Variants in VAPB observed in about 807,000 individuals in gnomAD.
The protein encoded by VAPB is vesicle-associated membrane protein-associated protein B/C.
A neutral mutation model predicts 25.6 loss-of-function variants in VAPB; 7 were observed. That is an observed-to-expected ratio of 0.27 (90% CI 0.16 to 0.51). The LOEUF is 0.51. Ranked by LOEUF, VAPB falls within the 20% of genes least tolerant of loss-of-function variation. The probability of loss-of-function intolerance (pLI) is 0.97; values close to 1 mark genes in which losing one functional copy is unlikely to be tolerated. For synonymous variants in VAPB, 112 were observed against 109.2 expected (o/e 1.03, Z -0.16); for missense variants, 266 against 301.3 (o/e 0.88, Z 0.87).
In VAPB at chr20:58,449,387, A is replaced by G. The variant is rs749282821; in HGVS notation, c.*5152A>G. The G allele has an allele frequency of 2.2e-6, 1 of 453,732 alleles. No individual in the cohort carries two copies. The highest frequency in any genetic ancestry group is 4.4e-6 in the Non-Finnish European group (1 of 226,738). 28.1% of individuals were successfully genotyped at this position (453,732 alleles called of 1,614,324 possible). A position where few individuals can be genotyped will look rare whatever the true frequency, so the allele number is the denominator to read the frequency against. On this transcript the variant is annotated 3_prime_UTR_variant, in exon 6 of 6. Transcript: ENST00000475243. ...ATAAACAGTTATGGATGATAGTTAA[A>G]AGAGAAACGGGTGGAGGTGGATGAG...
At chr20:58,408,915 A>T (rs1288823280) in intron 1 of VAPB, among the ~76,000 whole-genome samples, 2 of 55,786 alleles carry the variant, frequency 3.6e-5, no homozygotes, top group African/African-American at 6.7e-5. Context: ...CCCGCCCCCC[A>T]CTCCATGTGG....
intron 1 of VAPB, among the ~76,000 whole-genome samples, chr20:58,412,849 AGC>A (rs938203815): frequency 6.6e-6 from 1 of 152,170 alleles, no homozygotes; most frequent in Non-Finnish European, 1.5e-5. Flanking sequence ...ATTACAGAAA[AGC>A]ATTTAAATCA....
intron 1 of VAPB, among the ~76,000 whole-genome samples, chr20:58,395,112 A>G (rs892816057): frequency 1.3e-5 from 2 of 151,900 alleles, no homozygotes; most frequent in Non-Finnish European, 2.9e-5. Flanking sequence ...TTTAGAACCG[A>G]AACTTGAATT....
At chr20:58,416,392 T>A (rs997084097) in intron 1 of VAPB, among the ~76,000 whole-genome samples, 1 of 70,534 alleles carries the variant, frequency 1.4e-5, no homozygotes, top group Non-Finnish European at 3.2e-5. Flanking sequence ...ATACTTAAAT[T>A]TGGGATCCTC....
chr20:58,434,100 CT>C (rs1218052733), intron 2 of VAPB, among the ~76,000 whole-genome samples: 1 of 152,152 alleles, frequency 6.6e-6, no homozygotes, highest in African/African-American at 2.4e-5. Flanking sequence ...TAAAAATTTT[CT>C]AGCTTTATGT....
intron 1 of VAPB, among the ~76,000 whole-genome samples, chr20:58,406,063 A>G (rs1988223909): frequency 1.3e-5 from 2 of 152,068 alleles, no homozygotes; most frequent in Non-Finnish European, 2.9e-5. Context: ...GATGAGAAGC[A>G]TTGAGTTTGA....
In VAPB at chr20:58,447,381, A is replaced by G. The variant is rs1457196047; in HGVS notation, c.*3146A>G. On this transcript the variant is annotated 3_prime_UTR_variant, in exon 6 of 6. Coordinates refer to ENST00000475243, the MANE Select transcript of VAPB (RefSeq NM_004738.5). ...CTTCTGAACTGCTGGCACCAGCAGT[A>G]ATACATACTGATAAAATCAAAATTG... 1 of 454,008 alleles carries G rather than the reference A, an allele frequency of 2.2e-6. No individual in the cohort carries two copies. The highest frequency in any genetic ancestry group is 4.4e-6 in the Non-Finnish European group (1 of 226,790). The allele number at this position is 454,008 out of a possible 1,614,324, so 28.1% of individuals were successfully genotyped here.
At position 58,407,966 on chromosome 20, in the gene VAPB, A is replaced by G. The variant is rs145332029; in HGVS notation, c.59-10245A>G. On this transcript the variant is annotated intron_variant, in intron 1 of 5. Coordinates refer to ENST00000475243, the MANE Select transcript of VAPB (RefSeq NM_004738.5). ...CCTTACTAACTTTGTATTTTTTTTCAGGTAGCTTTCCTGAGTTTGATCTTA... is the reference window on the plus strand; with the variant it reads ...CCTTACTAACTTTGTATTTTTTTTCGGGTAGCTTTCCTGAGTTTGATCTTA... 1.5e-3 allele frequency among the ~76,000 whole-genome samples: 228 copies of G among 152,074 alleles called. 1 individual carries two copies. The highest frequency in any genetic ancestry group is 5.1e-3 in the African/African-American group (211 of 41,498).
In VAPB at chr20:58,448,777, A is replaced by G. The variant is rs1989360830; in HGVS notation, c.*4542A>G. 2.2e-6 allele frequency: 1 copy of G among 454,138 alleles called. No homozygotes were observed. Among genetic ancestry groups the G allele is most frequent in the Non-Finnish European group, 4.4e-6 (1 of 226,798 alleles). 28.1% of individuals were successfully genotyped at this position (454,138 alleles called of 1,614,324 possible). On this transcript the variant is annotated 3_prime_UTR_variant, in exon 6 of 6. Coordinates refer to ENST00000475243, the MANE Select transcript of VAPB (RefSeq NM_004738.5). Reference sequence around the variant, plus strand: ...CTGTTGGAAACTGAACACACTACAGACAGTGAAAAAAGGTACATATTCCAT... The same window carrying G: ...CTGTTGGAAACTGAACACACTACAGGCAGTGAAAAAAGGTACATATTCCAT...
intron 1 of VAPB, 35 bp downstream of exon 1, chr20:58,389,552 G>T: frequency 1.3e-6 from 2 of 1,550,464 alleles, no homozygotes; most frequent in Non-Finnish European, 1.7e-6. Context: ...CCTGCCCGCG[G>T]CCTCCGCCCC....
intron 2 of VAPB, among the ~76,000 whole-genome samples, chr20:58,419,774 C>A (rs1988629960): frequency 6.6e-6 from 1 of 152,156 alleles, no homozygotes; most frequent in Non-Finnish European, 1.5e-5. Context: ...TTTTGTTCCC[C>A]TCTTCTATCT....
chr20:58,410,370 CCTT>C (rs1489461900), intron 1 of VAPB, among the ~76,000 whole-genome samples: 1 of 152,130 alleles, frequency 6.6e-6, no homozygotes, highest in African/African-American at 2.4e-5. Flanking sequence ...GCTCTATGCT[CCTT>C]GTGTTCTTTC....
intron 1 of VAPB, among the ~76,000 whole-genome samples, chr20:58,410,720 G>C (rs899602354): frequency 1.3e-5 from 2 of 152,052 alleles, no homozygotes; most frequent in African/African-American, 4.8e-5. Flanking sequence ...CACCATGCCT[G>C]GCCAACACCT....
At chr20:58,407,948 A>G (rs1050350772) in intron 1 of VAPB, among the ~76,000 whole-genome samples, 1 of 152,152 alleles carries the variant, frequency 6.6e-6, no homozygotes, top group African/African-American at 2.4e-5. Flanking sequence ...GTTCCTTACT[A>G]ACTTTGTATT....
At chr20:58,418,410 T>C (rs932276221) in intron 2 of VAPB, 47 bp downstream of exon 2, 2 of 1,600,392 alleles carry the variant, frequency 1.2e-6, no homozygotes, top group Non-Finnish European at 8.5e-7. Context: ...AGAAGGCCCC[T>C]GGACAGTAGG....
chr20:58,404,845 C>G (rs1208173026), intron 1 of VAPB, among the ~76,000 whole-genome samples: 14 of 151,902 alleles, frequency 9.2e-5, no homozygotes, highest in Non-Finnish European at 8.8e-5. Flanking sequence ...CTGCAGTGCC[C>G]TGTTTCTCTC....
chr20:58,403,768 A>G (rs964143821), intron 1 of VAPB, among the ~76,000 whole-genome samples: 1 of 152,206 alleles, frequency 6.6e-6, no homozygotes, highest in Non-Finnish European at 1.5e-5. Context: ...AGCCTGCTGG[A>G]CATCCCTGTC....
chr20:58,430,926 T>C (rs1345509698), intron 2 of VAPB: 4 of 152,272 alleles, frequency 2.6e-5, no homozygotes, highest in African/African-American at 9.6e-5. Context: ...GATGCTCATA[T>C]CTGCTTCTGC....
chr20:58,413,712 G>T (rs1273443571), intron 1 of VAPB, among the ~76,000 whole-genome samples: 1 of 151,854 alleles, frequency 6.6e-6, no homozygotes, highest in Non-Finnish European at 1.5e-5. Flanking sequence ...TCACTTCCCA[G>T]TAGGGGCGGC....
Sources: allele counts gnomAD v4.1 joint callset (sites outside exome capture counted in the v4.1 genomes callset), GRCh38; gene constraint gnomAD v4.1.1; transcripts MANE v1.5; gene names NCBI Gene and HGNC (gene_info 2026-07-23, HGNC 2026-07-21).